FHIT: variants seen among roughly 807,000 people sequenced by gnomAD.
FHIT encodes bis(5'-adenosyl)-triphosphatase.
In FHIT, 19 loss-of-function variants were observed where a neutral mutation model predicts 17.9. The ratio of observed to expected loss-of-function variants is 1.06; its 90% CI spans 0.74 to 1.56. FHIT has a LOEUF of 1.56. Ranked by LOEUF, FHIT falls within the 40% of genes most tolerant of loss-of-function variation. The pLI, the probability that FHIT is intolerant of heterozygous loss-of-function variation, is 0.00. For missense variants in FHIT, 248 were observed against 189.2 expected, an observed-to-expected ratio of 1.31 and a Z score of -1.82; for synonymous variants, 81 against 69.7, an observed-to-expected ratio of 1.16 and a Z score of -0.81.
chr3:59,784,520 A>G (rs1702748987), intron 8 of FHIT, among the ~76,000 whole-genome samples: 1 of 152,200 alleles, frequency 6.6e-6, no homozygotes, highest in Non-Finnish European at 1.5e-5. Flanking sequence ...ACTCCACTGG[A>G]CCAGTCTTGC....
chr3:60,826,684 G>A (rs2106794897), intron 3 of FHIT, among the ~76,000 whole-genome samples: 1 of 152,286 alleles, frequency 6.6e-6, no homozygotes, highest in African/African-American at 2.4e-5. Flanking sequence ...CATTTGGAAT[G>A]ACAAGGAGCT....
chr3:60,057,211 G>A (rs1352258775), intron 5 of FHIT, among the ~76,000 whole-genome samples: 1 of 152,158 alleles, frequency 6.6e-6, no homozygotes, highest in East Asian at 1.9e-4. Flanking sequence ...ACAAAACTTT[G>A]AGTGGTATTA....
chr3:60,823,185 C>T (rs6446157), intron 3 of FHIT, among the ~76,000 whole-genome samples: 41,775 of 151,860 alleles, frequency 0.28, 6,039 homozygotes, highest in Middle Eastern at 0.39. Flanking sequence ...GTAGAGGAGA[C>T]AAACAAACAA....
At chr3:60,298,979 T>A (rs1048642843) in intron 5 of FHIT, among the ~76,000 whole-genome samples, 1 of 152,128 alleles carries the variant, frequency 6.6e-6, no homozygotes, top group Non-Finnish European at 1.5e-5. Flanking sequence ...TTCCTTTGAA[T>A]GTAGCAATCC....
chr3:59,992,093 C>T (rs923240774), intron 7 of FHIT, among the ~76,000 whole-genome samples: 1 of 151,970 alleles, frequency 6.6e-6, no homozygotes. Context: ...AAAGATTTGT[C>T]CAAGGCTGTA....
intron 3 of FHIT, among the ~76,000 whole-genome samples, chr3:61,039,761 T>C (rs111756932): frequency 0.13 from 19,500 of 152,076 alleles, 1,306 homozygotes; most frequent in South Asian, 0.17. Flanking sequence ...AGATGACGGG[T>C]TGATGGGTGT....
At chr3:60,642,903 C>G (rs910206507) in intron 4 of FHIT, among the ~76,000 whole-genome samples, 16 of 152,194 alleles carry the variant, frequency 1.1e-4, no homozygotes, top group Admixed American at 5.9e-4. Context: ...CCAGAGGAAA[C>G]TTTCCCATGT....
At chr3:60,471,346 T>C (rs2033080695) in intron 5 of FHIT, among the ~76,000 whole-genome samples, 1 of 152,196 alleles carries the variant, frequency 6.6e-6, no homozygotes, top group Admixed American at 6.5e-5. Context: ...CAGAGCACTT[T>C]AGCCTGTGGT....
intron 2 of FHIT, among the ~76,000 whole-genome samples, chr3:61,154,497 G>A (rs963594331): frequency 6.6e-6 from 1 of 152,162 alleles, no homozygotes; most frequent in South Asian, 2.1e-4. Flanking sequence ...CCTTCTGCCT[G>A]CAGTAGCCTT....
intron 8 of FHIT, among the ~76,000 whole-genome samples, chr3:59,806,622 T>C (rs1163174266): frequency 3.8e-5 from 3 of 79,734 alleles, no homozygotes; most frequent in South Asian, 3.7e-4. Flanking sequence ...TATATATATA[T>C]GGGTACAGGG....
intron 2 of FHIT, among the ~76,000 whole-genome samples, chr3:61,047,594 C>T (rs571580605): frequency 6.6e-6 from 1 of 152,322 alleles, no homozygotes; most frequent in African/African-American, 2.4e-5. Context: ...CCCCATCAAG[C>T]TACCAATGAC....
At chr3:60,721,292 T>C (rs1341190739) in intron 4 of FHIT, among the ~76,000 whole-genome samples, 1 of 152,178 alleles carries the variant, frequency 6.6e-6, no homozygotes, top group Admixed American at 6.5e-5. Flanking sequence ...CCTTCTGCTA[T>C]GTAAAAACAT....
intron 5 of FHIT, among the ~76,000 whole-genome samples, chr3:60,524,527 G>A (rs771861007): frequency 6.6e-6 from 1 of 152,118 alleles, no homozygotes; most frequent in Admixed American, 6.5e-5. Context: ...AGCGAATGTG[G>A]GGAGCTTTGA....
intron 3 of FHIT, among the ~76,000 whole-genome samples, chr3:60,969,250 T>C (rs925287944): frequency 2.0e-5 from 3 of 152,166 alleles, no homozygotes; most frequent in African/African-American, 7.2e-5. Flanking sequence ...CAAATTTAGT[T>C]GTATTTTTAA....
intron 5 of FHIT, among the ~76,000 whole-genome samples, chr3:60,203,594 C>G (rs1703019510): frequency 6.6e-6 from 1 of 152,166 alleles, no homozygotes; most frequent in Non-Finnish European, 1.5e-5. Flanking sequence ...ATGCACTGCT[C>G]TGTGCAACTA....
intron 2 of FHIT, among the ~76,000 whole-genome samples, chr3:61,044,322 A>G (rs180731288): frequency 3.6e-4 from 55 of 152,318 alleles, no homozygotes; most frequent in Non-Finnish European, 6.6e-4. Flanking sequence ...TGGCTCAAGA[A>G]CTACATGACA....
intron 2 of FHIT, among the ~76,000 whole-genome samples, chr3:61,170,155 T>C (rs973238588): frequency 2.0e-5 from 3 of 152,140 alleles, no homozygotes; most frequent in Admixed American, 6.6e-5. Context: ...TCATAGGTAA[T>C]AGCAAATTTA....
At chr3:61,023,008 G>T (rs1430872190) in intron 3 of FHIT, among the ~76,000 whole-genome samples, 1 of 152,188 alleles carries the variant, frequency 6.6e-6, no homozygotes, top group African/African-American at 2.4e-5. Context: ...TCAGGCAAGA[G>T]AAAGAAATAA....
intron 5 of FHIT, among the ~76,000 whole-genome samples, chr3:60,397,183 G>C (rs142563553): frequency 6.6e-6 from 1 of 152,182 alleles, no homozygotes; most frequent in Non-Finnish European, 1.5e-5. Flanking sequence ...GAAAAGAAGG[G>C]TAACTTTTAA....
Sources: gnomAD v4.1 joint callset for allele counts (sites outside exome capture counted in the v4.1 genomes callset) on GRCh38, gnomAD v4.1.1 for gene constraint, MANE v1.5 for transcripts, NCBI Gene and HGNC (gene_info 2026-07-23, HGNC 2026-07-21) for gene names.